CTDP1: variants seen among roughly 807,000 people sequenced by gnomAD.
CTDP1 encodes RNA polymerase II subunit A C-terminal domain phosphatase.
Under a neutral mutation model 91.8 loss-of-function variants are expected in CTDP1, and 47 were observed. The observed-to-expected ratio is 0.51, with a 90% CI of 0.41 to 0.65. The LOEUF (loss-of-function observed/expected upper bound fraction) is 0.65, where lower values mean the gene tolerates loss of function less well. CTDP1 is among the 30% of genes least tolerant of loss of function. The pLI is 0.00. For synonymous variants in CTDP1, 656 were observed against 598.5 expected (o/e 1.10, Z -1.40); for missense variants, 1,272 against 1,373.7 (o/e 0.93, Z 1.17).
In CTDP1 at chr18:79,734,634, G is replaced by A. The variant is rs1052051527; in HGVS notation, c.2581-1721G>A. 5.3e-5 allele frequency among the ~76,000 whole-genome samples: 8 copies of A among 152,356 alleles called. No individual in the cohort carries two copies. The East Asian group carries it at 1.4e-3, about 26-fold the overall frequency. On this transcript the variant is annotated intron_variant, in intron 11 of 12. Coordinates refer to ENST00000613122, the MANE Select transcript of CTDP1 (RefSeq NM_004715.5). ...CGTGGGCTGCCGTGCTGGCCGGCCC[G>A]CCTGCCCTTGGCTGTCAAGTGTAAA...
intron 12 of CTDP1, among the ~76,000 whole-genome samples, chr18:79,739,449 C>T (rs1432736398): frequency 6.6e-6 from 1 of 151,910 alleles, no homozygotes; most frequent in Non-Finnish European, 1.5e-5. Context: ...CAGAACTGAC[C>T]CTCACGGGTG....
intron 11 of CTDP1, among the ~76,000 whole-genome samples, chr18:79,729,778 A>G (rs910605608): frequency 1.3e-5 from 2 of 152,154 alleles, no homozygotes; most frequent in African/African-American, 2.4e-5. Flanking sequence ...CTTTAGGAGG[A>G]CTGTCCTGGA....
chr18:79,707,931 C>T (rs569783508), intron 5 of CTDP1, among the ~76,000 whole-genome samples: 17 of 152,312 alleles, frequency 1.1e-4, no homozygotes, highest in South Asian at 2.1e-4. Context: ...GTTTGCGATG[C>T]GTGTCTTTTA....
rs59453388 is a variant in CTDP1 at position 79,696,289 on chromosome 18, CAG to C, written c.492+220_492+221del. On this transcript the variant is annotated intron_variant, in intron 3 of 12. Transcript: ENST00000613122. Reference sequence around the variant, plus strand: ...GACAAGTCTGCCTGCAAAAGCGACTCAGGGCCCCGAGGCTGTGTGACCTGCGT... The same window carrying C: ...GACAAGTCTGCCTGCAAAAGCGACTCGGCCCCGAGGCTGTGTGACCTGCGT... Among the ~76,000 whole-genome samples, 5,956 of 152,296 alleles carry C rather than the reference CAG, an allele frequency of 0.039. 192 individuals are homozygous for C. The highest frequency in any genetic ancestry group is 0.16 in the South Asian group (771 of 4,828).
chr18:79,689,962 G>C (rs1323245079), intron 1 of CTDP1, among the ~76,000 whole-genome samples: 1 of 152,178 alleles, frequency 6.6e-6, no homozygotes, highest in Non-Finnish European at 1.5e-5. Flanking sequence ...CTGCATAACG[G>C]ATTCTAGGCT....
chr18:79,755,759 AAC>A (rs554014180), downstream of CTDP1: 403 of 152,552 alleles, frequency 2.6e-3, no homozygotes, highest in Middle Eastern at 0.014. Flanking sequence ...GGCCTCCTTA[AAC>A]ACAGTGTGGA....
chr18:79,733,262 C>T (rs1027569591), intron 11 of CTDP1, among the ~76,000 whole-genome samples: 6 of 151,872 alleles, frequency 4.0e-5, no homozygotes, highest in Admixed American at 6.6e-5. Flanking sequence ...ATCCTCGCGC[C>T]GCAGCCTCGG....
At position 79,710,290 on chromosome 18, in the gene CTDP1, C is replaced by T. The variant is rs577341204; in HGVS notation, c.773-56C>T. 3.7e-5 allele frequency: 49 copies of T among 1,341,784 alleles called. No individual in the cohort carries two copies. The East Asian group carries it at 7.1e-4, about 20-fold the overall frequency. 83.1% of individuals were successfully genotyped at this position (1,341,784 alleles called of 1,614,324 possible). ...AAACATTCAAGGCTTCACCATGTGC[C>T]GTGTGACCGAAACGTGTCTCAGGTA... On this transcript the variant is annotated intron_variant, in intron 5 of 12. Coordinates refer to ENST00000613122, the MANE Select transcript of CTDP1 (RefSeq NM_004715.5).
upstream of CTDP1, chr18:79,677,302 T>C (rs1353077592): frequency 6.6e-6 from 1 of 152,254 alleles, no homozygotes; most frequent in African/African-American, 2.4e-5. Flanking sequence ...TTACAGAGTT[T>C]AATTGAGCAA....
chr18:79,750,927 C>T (rs2086984361), intron 12 of CTDP1, among the ~76,000 whole-genome samples: 1 of 150,088 alleles, frequency 6.7e-6, no homozygotes, highest in Non-Finnish European at 1.5e-5. Flanking sequence ...GCGGGCTGGA[C>T]TCAGAGGCAG....
chr18:79,682,022 C>T (rs984404250), intron 1 of CTDP1, among the ~76,000 whole-genome samples: 2 of 152,124 alleles, frequency 1.3e-5, no homozygotes, highest in East Asian at 1.9e-4. Context: ...CAGGAAGGAG[C>T]GACTGGAAGG....
rs752099626 is a variant in CTDP1 at position 79,717,616 on chromosome 18, G to A, written c.2150G>A (p.Arg717His). The A allele has an allele frequency of 3.1e-6, 5 of 1,613,864 alleles. No homozygotes were observed. Among genetic ancestry groups the A allele is most frequent in the Non-Finnish European group, 4.2e-6 (5 of 1,179,978 alleles). The change falls in exon 9 of 13, where the codon CGC becomes CAC. Residue 717 changes from arginine (R) to histidine (H), a missense_variant. Arg to His is a conservative substitution (Grantham distance 29). Coordinates refer to ENST00000613122, the MANE Select transcript of CTDP1 (RefSeq NM_004715.5). ...GACTGGCTGTGGAGCTGCCTGGAGC[G>A]CTGGGACAAGGTGGAGGAGCAGCTC... ...NPDWLWSCLE[R>H]WDKVEEQLFP...
chr18:79,725,206 G>A (rs1373169044), intron 10 of CTDP1, among the ~76,000 whole-genome samples: 2 of 152,178 alleles, frequency 1.3e-5, no homozygotes, highest in Non-Finnish European at 2.9e-5. Flanking sequence ...GTGTCTTTAT[G>A]TTGACGTTGA....
rs61253753 is a variant in CTDP1 at position 79,694,308 on chromosome 18, C to T, written c.315-917C>T. ...TGAGTGCTGGGCGGTCTCATGTCCA[C>T]GGGGTGGGGTGGTCGGAGCAGCCCA... On this transcript the variant is annotated intron_variant, in intron 1 of 12. Coordinates refer to ENST00000613122, the MANE Select transcript of CTDP1 (RefSeq NM_004715.5). Among the ~76,000 whole-genome samples the T allele has an allele frequency of 6.9e-3, 738 of 106,346 alleles. 59 individuals carry two copies. The highest frequency in any genetic ancestry group is 0.023 in the African/African-American group (696 of 29,730). The allele number at this position is 106,346 out of a possible 152,430, so 69.8% of individuals were successfully genotyped here. A position where few individuals can be genotyped will look rare whatever the true frequency, so the allele number is the denominator to read the frequency against.
At chr18:79,692,438 C>T (rs1360770572) in intron 1 of CTDP1, among the ~76,000 whole-genome samples, 1 of 152,108 alleles carries the variant, frequency 6.6e-6, no homozygotes, top group African/African-American at 2.4e-5. Context: ...AATTGAGATT[C>T]TAGGTTTTCT....
intron 11 of CTDP1, among the ~76,000 whole-genome samples, chr18:79,732,431 C>T (rs191946057): frequency 4.3e-5 from 3 of 69,496 alleles, no homozygotes; most frequent in Non-Finnish European, 5.9e-5. Context: ...CCCAAAATCA[C>T]GTGAGACATG....
Position 79,740,653 on chromosome 18 carries a change from T to C in CTDP1, c.2747+4132T>C, listed in dbSNP as rs1163458539. On this transcript the variant is annotated intron_variant, in intron 12 of 12. Transcript: ENST00000613122. ...TCTAGCTGGTGGTACGTCTTGCTAATTTCGCATGGCCAAGCTGTTCCACAG... is the reference window on the plus strand; with the variant it reads ...TCTAGCTGGTGGTACGTCTTGCTAACTTCGCATGGCCAAGCTGTTCCACAG... Among the ~76,000 whole-genome samples, 3 of 152,342 alleles carry C rather than the reference T, an allele frequency of 2.0e-5. No homozygotes were observed. In the South Asian group the frequency reaches 6.2e-4, roughly 32 times the overall value.
Position 79,700,511 on chromosome 18 carries a change from A to G in CTDP1, c.621+2523A>G, listed in dbSNP as rs142796182. On this transcript the variant is annotated intron_variant, in intron 4 of 12. Coordinates refer to ENST00000613122, the MANE Select transcript of CTDP1 (RefSeq NM_004715.5). Reference sequence around the variant, plus strand: ...AAGCCTAATCCAGAGCAAGGCCCCAACTGTCTTCAATTCTGTGAAGGTTGA... The same window carrying G: ...AAGCCTAATCCAGAGCAAGGCCCCAGCTGTCTTCAATTCTGTGAAGGTTGA... Among the ~76,000 whole-genome samples the G allele has an allele frequency of 1.6e-3, 246 of 152,334 alleles. 1 individual carries two copies. Among genetic ancestry groups the G allele is most frequent in the African/African-American group, 5.4e-3 (223 of 41,572 alleles).
At chr18:79,699,945 T>C (rs1420119707) in intron 4 of CTDP1, among the ~76,000 whole-genome samples, 1 of 152,214 alleles carries the variant, frequency 6.6e-6, no homozygotes, top group Non-Finnish European at 1.5e-5. Flanking sequence ...TTGTCATAGT[T>C]GCTTCATCAG....
Sources: gnomAD v4.1 joint callset for allele counts (sites outside exome capture counted in the v4.1 genomes callset) on GRCh38, gnomAD v4.1.1 for gene constraint, MANE v1.5 for transcripts, NCBI Gene and HGNC (gene_info 2026-07-23, HGNC 2026-07-21) for gene names.